Variants in GMPS observed in about 807,000 individuals in gnomAD.
GMPS encodes guanosine monophosphate synthase.
Under a neutral mutation model 77.9 loss-of-function variants are expected in GMPS, and 15 were observed. The ratio of observed to expected loss-of-function variants is 0.19; its 90% confidence interval spans 0.13 to 0.30. GMPS has a LOEUF of 0.30. GMPS is among the 10% of genes least tolerant of loss of function. The pLI, the probability that GMPS is intolerant of heterozygous loss-of-function variation, is 1.00. For missense variants in GMPS, 590 were observed against 838.8 expected, an observed-to-expected ratio of 0.70 and a Z score of 3.66; for synonymous variants, 224 against 275.9, an observed-to-expected ratio of 0.81 and a Z score of 1.86.
intron 13 of GMPS, among the ~76,000 whole-genome samples, chr3:155,934,014 A>G (rs1755698330): frequency 1.3e-5 from 2 of 152,226 alleles, no homozygotes; most frequent in Admixed American, 6.5e-5. Flanking sequence ...GTAGGATACT[A>G]AGTCCTATTT....
chr3:155,936,925 CTTCT>C (rs965243898), intron 15 of GMPS, among the ~76,000 whole-genome samples: 9 of 152,144 alleles, frequency 5.9e-5, no homozygotes, highest in African/African-American at 2.2e-4. Flanking sequence ...ATTTTTGATC[CTTCT>C]TTGTCTTCAC....
chr3:155,893,404 C>T, intron 1 of GMPS, 114 bp from the exon 2 acceptor site: 2 of 657,862 alleles, frequency 3.0e-6, no homozygotes, highest in Admixed American at 3.3e-5. Context: ...TCAGAAAGTC[C>T]TAAGTTTTCA....
chr3:155,932,486 A>G (rs1755651741), intron 13 of GMPS, among the ~76,000 whole-genome samples: 1 of 152,234 alleles, frequency 6.6e-6, no homozygotes, highest in African/African-American at 2.4e-5. Flanking sequence ...TTTAATTTGC[A>G]TATTAACTTC....
intron 4 of GMPS, among the ~76,000 whole-genome samples, chr3:155,905,471 ATTTG>A (rs1363581012): frequency 1.3e-5 from 2 of 152,134 alleles, no homozygotes; most frequent in African/African-American, 2.4e-5. Context: ...AGTTTCATTA[ATTTG>A]TTTGGCACTA....
intron 1 of GMPS, among the ~76,000 whole-genome samples, chr3:155,875,568 A>G (rs1754030124): frequency 6.6e-6 from 1 of 152,222 alleles, no homozygotes. Context: ...TTTCTAACCT[A>G]AACCATATTT....
At position 155,925,320 on chromosome 3, in the gene GMPS, A is replaced by C; in HGVS notation, c.1514A>C (p.His505Pro). Reference sequence around the variant, plus strand: ...AAGCTGATGCAAATTACCAGTCTGCATTCACTGAATGCCTTCTTGCTGCCA... The same window carrying C: ...AAGCTGATGCAAATTACCAGTCTGCCTTCACTGAATGCCTTCTTGCTGCCA... Reference protein sequence around the residue: ...QEKLMQITSLHSLNAFLLPIK... With the variant: ...QEKLMQITSLPSLNAFLLPIK... The change falls in exon 12 of 16, where the codon CAT becomes CCT. Residue 505 changes from histidine to proline, a missense_variant. Around this residue, in one of 6 missense-constraint regions of GMPS, gnomAD observed 89 missense variants for 95.9 expected, o/e 0.93. Coordinates refer to ENST00000496455, the MANE Select transcript of GMPS (RefSeq NM_003875.3). The C allele has an allele frequency of 1.9e-6, 3 of 1,611,478 alleles. No homozygotes were observed. The highest frequency in any genetic ancestry group is 2.5e-6 in the Non-Finnish European group (3 of 1,177,698).
chr3:155,879,504 T>A (rs1754156876), intron 1 of GMPS, among the ~76,000 whole-genome samples: 1 of 152,050 alleles, frequency 6.6e-6, no homozygotes, highest in South Asian at 2.1e-4. Flanking sequence ...TGATCTCAGG[T>A]GATCTGCCTG....
chr3:155,891,302 T>C (rs760829817), intron 1 of GMPS, among the ~76,000 whole-genome samples: 3 of 152,172 alleles, frequency 2.0e-5, no homozygotes, highest in Non-Finnish European at 4.4e-5. Flanking sequence ...GTAAAGATAA[T>C]AATGGGACTG....
At chr3:155,888,935 G>A (rs2108066819) in intron 1 of GMPS, among the ~76,000 whole-genome samples, 1 of 152,016 alleles carries the variant, frequency 6.6e-6, no homozygotes, top group South Asian at 2.1e-4. Context: ...TACCCAGGCT[G>A]GTCTCGAACT....
rs191250619 is a variant in GMPS, at chr3:155,919,749, A to G, written c.1318+411A>G. On this transcript the variant is annotated intron_variant, in intron 10 of 15. Coordinates refer to ENST00000496455, the MANE Select transcript of GMPS (RefSeq NM_003875.3). ...TTTAGCTCTTTAAAATCCTTGTCCTATGTCTGACTTGTTTGAATGGATGAA... is the reference window on the plus strand; with the variant it reads ...TTTAGCTCTTTAAAATCCTTGTCCTGTGTCTGACTTGTTTGAATGGATGAA... Among the ~76,000 whole-genome samples the G allele has an allele frequency of 4.5e-3, 691 of 152,332 alleles. 4 individuals are homozygous for G. The highest frequency in any genetic ancestry group is 6.7e-3 in the Admixed American group (102 of 15,300).
In GMPS at chr3:155,938,753, C is replaced by CT. The variant is rs1401327273; in HGVS notation, c.*1064dup. The stretch of plus-strand genomic sequence containing the variant: ...TGATACATGCAAGATGTTTGCCAAA[C>CT]TTTGTAATCCTTTCTACTAGCTATA... On this transcript the variant is annotated 3_prime_UTR_variant, in exon 16 of 16. Transcript: ENST00000496455. 2 of 207,410 alleles carry CT rather than the reference C, an allele frequency of 9.6e-6. No individual in the cohort carries two copies. The highest frequency in any genetic ancestry group is 1.5e-4 in the East Asian group (2 of 13,560). The allele number at this position is 207,410 out of a possible 1,614,324, so 12.8% of individuals were successfully genotyped here. A position where few individuals can be genotyped will look rare whatever the true frequency, so the allele number is the denominator to read the frequency against.
chr3:155,912,158 C>CA (rs776334550), intron 7 of GMPS, among the ~76,000 whole-genome samples: 2 of 152,004 alleles, frequency 1.3e-5, no homozygotes, highest in Non-Finnish European at 2.9e-5. Context: ...GAATTGATAC[C>CA]AAAAGGCTGA....
intron 3 of GMPS, among the ~76,000 whole-genome samples, chr3:155,899,122 C>G (rs1004641546): frequency 6.6e-6 from 1 of 152,066 alleles, no homozygotes; most frequent in African/African-American, 2.4e-5. Flanking sequence ...GATCCCAGCA[C>G]TTTGGGAGGC....
rs1262648745 is a variant in GMPS at position 155,938,238 on chromosome 3, T to G, written c.*546T>G. The G allele has an allele frequency of 9.1e-6, 2 of 220,700 alleles. No individual in the cohort carries two copies. Among genetic ancestry groups the G allele is most frequent in the Non-Finnish European group, 1.8e-5 (2 of 110,290 alleles). 13.7% of individuals were successfully genotyped at this position (220,700 alleles called of 1,614,324 possible). A position where few individuals can be genotyped will look rare whatever the true frequency, so the allele number is the denominator to read the frequency against. On this transcript the variant is annotated 3_prime_UTR_variant, in exon 16 of 16. Transcript: ENST00000496455. ...GACACTGAGGGTATAAAATGTAAGC[T>G]ACCATAAGATGGAAAAGCACCAGGA...
chr3:155,896,380 T>G (rs1754604529), intron 2 of GMPS, among the ~76,000 whole-genome samples: 1 of 152,156 alleles, frequency 6.6e-6, no homozygotes, highest in Non-Finnish European at 1.5e-5. Flanking sequence ...CCTTTAGAAT[T>G]GTTATCTTAA....
chr3:155,916,952 C>T (rs1416328376), intron 9 of GMPS, among the ~76,000 whole-genome samples: 1 of 151,674 alleles, frequency 6.6e-6, no homozygotes, highest in African/African-American at 2.4e-5. Flanking sequence ...AAACACATAA[C>T]ATAAAGCTTA....
chr3:155,922,209 A>C lies in GMPS; in HGVS notation c.1341A>C (p.Val447=), dbSNP rs1755336252. 6.5e-7 allele frequency: 1 copy of C among 1,540,178 alleles called. No homozygotes were observed. Among genetic ancestry groups the C allele is most frequent in the South Asian group, 1.2e-5 (1 of 81,534 alleles). The part of the protein sequence containing the change: ...PFPGPGLAIR[V]ICAEEPYICK... ...TAGGTCCTGGCCTGGCAATCAGAGT[A>C]ATATGTGCTGAAGAACCTTATATTT... The change falls in exon 11 of 16, where the codon GTA becomes GTC. Residue 447 remains valine, a synonymous_variant. Transcript: ENST00000496455.
intron 10 of GMPS, among the ~76,000 whole-genome samples, chr3:155,920,641 G>A (rs945708609): frequency 2.7e-5 from 4 of 150,788 alleles, no homozygotes; most frequent in Non-Finnish European, 4.4e-5. Context: ...GGGAAGCCAA[G>A]TGTTCTATGT....
At chr3:155,916,708 T>C (rs1011884483) in intron 9 of GMPS, among the ~76,000 whole-genome samples, 1 of 152,218 alleles carries the variant, frequency 6.6e-6, no homozygotes, top group South Asian at 2.1e-4. Flanking sequence ...TTGGCTGTTA[T>C]AAGTAATGCC....
Sources: gnomAD v4.1 joint callset for allele counts (sites outside exome capture counted in the v4.1 genomes callset) on GRCh38, gnomAD v4.1.1 for gene constraint, gnomAD v4.1.1 regional missense constraint, MANE v1.5 for transcripts, NCBI Gene and HGNC (gene_info 2026-07-23, HGNC 2026-07-21) for gene names.